The following GRM7 variants were observed in gnomAD, a reference collection of about 807,000 sequenced individuals.
The protein encoded by GRM7 is metabotropic glutamate receptor 7.
A neutral mutation model predicts 84.5 loss-of-function variants in GRM7; 35 were observed. The ratio of observed to expected loss-of-function variants is 0.41; its 90% CI spans 0.32 to 0.55. The LOEUF (loss-of-function observed/expected upper bound fraction) is 0.55. Ranked by LOEUF, GRM7 falls within the 20% of genes least tolerant of loss-of-function variation. The pLI is 0.19. For missense variants in GRM7, 1,003 were observed against 1,194.6 expected (o/e 0.84, Z 2.36); for synonymous variants, 487 against 455.1 (o/e 1.07, Z -0.89).
chr3:6,862,881 G>A lies in GRM7; in HGVS notation c.519+974G>A. The A allele has an allele frequency of 2.5e-6, 1 of 408,044 alleles. No individual in the cohort carries two copies. Among genetic ancestry groups the A allele is most frequent in the Non-Finnish European group, 4.9e-6 (1 of 202,306 alleles). 25.3% of individuals were successfully genotyped at this position (408,044 alleles called of 1,614,324 possible). A position where few individuals can be genotyped will look rare whatever the true frequency, so the allele number is the denominator to read the frequency against. ...TGGTCCTCCTGCTCCGGTGCCGGAG[G>A]GAGACGGAGAAAAAATGGGAGGAAG... On this transcript the variant is annotated intron_variant, in intron 1 of 9. Coordinates refer to ENST00000357716, the MANE Select transcript of GRM7 (RefSeq NM_000844.4). This position sits in a 1 kb window ranked among gnomAD's most constrained non-coding sequence, Gnocchi z 5.2.
intron 1 of GRM7, among the ~76,000 whole-genome samples, chr3:6,973,107 T>G (rs1423496376): frequency 3.3e-5 from 5 of 152,244 alleles, no homozygotes; most frequent in African/African-American, 2.4e-5. Context: ...CCATAAAGAC[T>G]GGTGGTAAGG....
At chr3:7,354,940 A>C (rs1693326315) in intron 4 of GRM7, among the ~76,000 whole-genome samples, 1 of 152,164 alleles carries the variant, frequency 6.6e-6, no homozygotes, top group Non-Finnish European at 1.5e-5. Context: ...TCTCTGTCAT[A>C]GTCTAGTTTG....
chr3:7,022,386 C>CACACACACACACACACACA (rs1695812795), intron 1 of GRM7, among the ~76,000 whole-genome samples: 2 of 150,178 alleles, frequency 1.3e-5, no homozygotes, highest in African/African-American at 4.9e-5. Context: ...CACACACACA[C>CACACACACACACACACACA]CAGTGGTCAA....
At chr3:7,132,784 T>G (rs1574944720) in intron 1 of GRM7, among the ~76,000 whole-genome samples, 1 of 152,358 alleles carries the variant, frequency 6.6e-6, no homozygotes, top group East Asian at 1.9e-4. Flanking sequence ...GAAAGTGGCT[T>G]CGGAATCATT....
intron 1 of GRM7, among the ~76,000 whole-genome samples, chr3:7,053,291 A>C (rs1697079014): frequency 6.6e-6 from 1 of 151,246 alleles, no homozygotes; most frequent in South Asian, 2.1e-4. Flanking sequence ...TTCCCCATAT[A>C]AATCATTTAT....
intron 5 of GRM7, among the ~76,000 whole-genome samples, chr3:7,440,050 C>A (rs35398044): frequency 0.35 from 53,171 of 152,034 alleles, 10,855 homozygotes; most frequent in Non-Finnish European, 0.48. Flanking sequence ...ATTTGGAAAG[C>A]TGGAGGGAGC....
chr3:7,456,517 T>C (rs1405551693), intron 6 of GRM7, among the ~76,000 whole-genome samples: 2 of 127,108 alleles, frequency 1.6e-5, no homozygotes, highest in East Asian at 9.0e-4. Context: ...TTCAAATCCA[T>C]ACAGCTAGGT....
At chr3:6,901,604 T>TTAAA (rs1696385499) in intron 1 of GRM7, among the ~76,000 whole-genome samples, 2 of 40,494 alleles carry the variant, frequency 4.9e-5, no homozygotes, top group African/African-American at 9.5e-5. Context: ...AGACTCCGTC[T>TTAAA]AAAAAAAAAA....
At chr3:6,877,278 AGT>A (rs1695344218) in intron 1 of GRM7, among the ~76,000 whole-genome samples, 1 of 151,868 alleles carries the variant, frequency 6.6e-6, no homozygotes, top group African/African-American at 2.4e-5. Flanking sequence ...CTGATTCCAC[AGT>A]GTCAAAACCA....
intron 1 of GRM7, among the ~76,000 whole-genome samples, chr3:7,031,832 C>G (rs1696195276): frequency 6.6e-6 from 1 of 151,912 alleles, no homozygotes; most frequent in South Asian, 2.1e-4. Context: ...AGCACAAGGC[C>G]AAGCACAAAC....
At chr3:7,139,591 A>G (rs1231064788) in intron 1 of GRM7, among the ~76,000 whole-genome samples, 2 of 152,002 alleles carry the variant, frequency 1.3e-5, no homozygotes, top group African/African-American at 4.8e-5. Flanking sequence ...GGAATACCTT[A>G]TAATAAATTA....
intron 5 of GRM7, among the ~76,000 whole-genome samples, chr3:7,417,436 A>G (rs1696212157): frequency 6.6e-6 from 1 of 152,110 alleles, no homozygotes; most frequent in Non-Finnish European, 1.5e-5. Flanking sequence ...ATAGTATTCC[A>G]AAAAATACTA....
intron 4 of GRM7, among the ~76,000 whole-genome samples, chr3:7,339,267 CA>C (rs960867903): frequency 6.6e-6 from 1 of 151,894 alleles, no homozygotes; most frequent in African/African-American, 2.4e-5. Context: ...GGAAAGCAAT[CA>C]AAAAAACAAA....
At chr3:7,034,240 A>G (rs1459004013) in intron 1 of GRM7, among the ~76,000 whole-genome samples, 3 of 152,026 alleles carry the variant, frequency 2.0e-5, no homozygotes, top group African/African-American at 7.2e-5. Context: ...TTGAGGAAAA[A>G]CAGCTTTTCT....
At chr3:7,283,652 AT>A (rs1287322990) in intron 2 of GRM7, among the ~76,000 whole-genome samples, 3 of 152,154 alleles carry the variant, frequency 2.0e-5, no homozygotes, top group Non-Finnish European at 4.4e-5. Flanking sequence ...CTTTGGAGGC[AT>A]TATACAGCAC....
At chr3:7,296,498 A>C (rs1484024756) in intron 2 of GRM7, among the ~76,000 whole-genome samples, 1 of 152,100 alleles carries the variant, frequency 6.6e-6, no homozygotes, top group Non-Finnish European at 1.5e-5. Flanking sequence ...CAGTTAAACC[A>C]TCTGAGCCTG....
chr3:7,494,442 T>G (rs1699628137), intron 7 of GRM7, among the ~76,000 whole-genome samples: 2 of 152,212 alleles, frequency 1.3e-5, no homozygotes, highest in African/African-American at 4.8e-5. Context: ...CACATGTTTC[T>G]TTAGATTTAT....
chr3:7,308,702 G>A (rs949310183), intron 4 of GRM7, among the ~76,000 whole-genome samples: 1 of 152,116 alleles, frequency 6.6e-6, no homozygotes. Flanking sequence ...CTGTAAGGAG[G>A]GGTGAAGGGC....
At chr3:7,142,379 G>A (rs1217436909) in intron 1 of GRM7, among the ~76,000 whole-genome samples, 1 of 152,062 alleles carries the variant, frequency 6.6e-6, no homozygotes, top group Non-Finnish European at 1.5e-5. Context: ...GCATGGCTGG[G>A]GAGGCCTCAG....
Sources: gnomAD v4.1 joint callset for allele counts (sites outside exome capture counted in the v4.1 genomes callset) on GRCh38, gnomAD v4.1.1 for gene constraint, Gnocchi (gnomAD v3.1) non-coding constraint, MANE v1.5 for transcripts, NCBI Gene and HGNC (gene_info 2026-07-23, HGNC 2026-07-21) for gene names.